Variants in SLC25A21 observed in about 807,000 individuals in gnomAD.
SLC25A21 encodes solute carrier family 25 member 21.
A neutral mutation model predicts 43.8 loss-of-function variants in SLC25A21; 47 were observed. The ratio of observed to expected loss-of-function variants is 1.07; its 90% CI spans 0.85 to 1.37. The LOEUF (loss-of-function observed/expected upper bound fraction) is 1.37. SLC25A21 is among the 40% of genes most tolerant of loss of function. The probability of loss-of-function intolerance (pLI) is 0.00; values close to 1 mark genes in which losing one functional copy is unlikely to be tolerated. For missense variants in SLC25A21, 352 were observed against 350.2 expected (o/e 1.00, Z -0.04); for synonymous variants, 131 against 121.3 (o/e 1.08, Z -0.52).
intron 1 of SLC25A21, among the ~76,000 whole-genome samples, chr14:36,965,066 T>C (rs1371209695): frequency 6.6e-6 from 1 of 152,174 alleles, no homozygotes; most frequent in Non-Finnish European, 1.5e-5. Flanking sequence ...TTTTAAAGAA[T>C]CTGGACCCAT....
At chr14:36,751,391 C>T (rs116296625) in intron 3 of SLC25A21, among the ~76,000 whole-genome samples, 220 of 152,230 alleles carry the variant, frequency 1.4e-3, no homozygotes, top group Middle Eastern at 0.01. Flanking sequence ...TGCAATGAAC[C>T]AACAAAGAAG....
At chr14:37,034,612 C>T (rs937454769) in intron 1 of SLC25A21, among the ~76,000 whole-genome samples, 1 of 152,174 alleles carries the variant, frequency 6.6e-6, no homozygotes, top group African/African-American at 2.4e-5. Context: ...TGGAGGTCAG[C>T]GTGCTGAGCA....
chr14:37,033,980 A>G (rs546906656), intron 1 of SLC25A21, among the ~76,000 whole-genome samples: 1 of 151,934 alleles, frequency 6.6e-6, no homozygotes, highest in Non-Finnish European at 1.5e-5. Flanking sequence ...AGGTTCCCAA[A>G]TGGCACTATG....
At chr14:36,894,017 A>C (rs1271882042) in intron 1 of SLC25A21, among the ~76,000 whole-genome samples, 2 of 152,168 alleles carry the variant, frequency 1.3e-5, no homozygotes, top group Non-Finnish European at 2.9e-5. Flanking sequence ...TGATTTGGCA[A>C]TGTGGACTCT....
chr14:37,050,678 A>C (rs796229920), intron 1 of SLC25A21, among the ~76,000 whole-genome samples: 22 of 152,350 alleles, frequency 1.4e-4, no homozygotes, highest in African/African-American at 5.3e-4. Context: ...CCCATTCTCC[A>C]TATCTTCCAA....
In SLC25A21 at chr14:37,040,433, A is replaced by AAGAAAGAAAGAG. The variant is rs1555343498; in HGVS notation, c.70+131847_70+131848insCTCTTTCTTTCT. 5.0e-4 allele frequency among the ~76,000 whole-genome samples: 52 copies of AAGAAAGAAAGAG among 104,234 alleles called. 1 individual carries two copies. The highest frequency in any genetic ancestry group is 7.4e-4 in the Non-Finnish European group (42 of 56,744). 68.4% of individuals were successfully genotyped at this position (104,234 alleles called of 152,430 possible). Reference sequence around the variant, plus strand: ...AAAGAAAGAAAGAAAGAAAGAAAGAAAGAAAGAAAAGAAAAATTAGTTACA... The same window carrying AAGAAAGAAAGAG: ...AAAGAAAGAAAGAAAGAAAGAAAGAAAGAAAGAAAGAGAGAAAGAAAAGAAAAATTAGTTACA... On this transcript the variant is annotated intron_variant, in intron 1 of 9. Transcript: ENST00000331299.
chr14:37,108,627 C>T (rs1962958905), intron 1 of SLC25A21, among the ~76,000 whole-genome samples: 1 of 151,854 alleles, frequency 6.6e-6, no homozygotes, highest in African/African-American at 2.4e-5. Flanking sequence ...TACATTGAGA[C>T]CTTGCTGCTA....
rs1240869654 is a variant in SLC25A21 at position 36,703,698 on chromosome 14, T to G, written c.603+7620A>C. Reference sequence around the variant, plus strand: ...CACTATTATTTTATTTATGGAAACATATGAAAAGAAGTAAATATGGAACTA... The same window carrying G: ...CACTATTATTTTATTTATGGAAACAGATGAAAAGAAGTAAATATGGAACTA... On this transcript the variant is annotated intron_variant, in intron 7 of 9. Coordinates refer to ENST00000331299, the MANE Select transcript of SLC25A21 (RefSeq NM_030631.4). 2.6e-5 allele frequency among the ~76,000 whole-genome samples: 4 copies of G among 152,192 alleles called. No individual in the cohort carries two copies. In the South Asian group the frequency reaches 6.2e-4, roughly 24 times the overall value.
rs527258257 is a variant in SLC25A21, at chr14:36,846,227, T to C, written c.119+28729A>G. Among the ~76,000 whole-genome samples the C allele has an allele frequency of 4.6e-5, 7 of 152,290 alleles. No homozygotes were observed. The East Asian group carries it at 7.7e-4, about 17-fold the overall frequency. On this transcript the variant is annotated intron_variant, in intron 2 of 9. Transcript: ENST00000331299. Reference sequence around the variant, plus strand: ...TTGAGAAAGAATCTATAATTCCTTATATGAGATAGCCTTGACTAACTCTAT... The same window carrying C: ...TTGAGAAAGAATCTATAATTCCTTACATGAGATAGCCTTGACTAACTCTAT...
At chr14:37,118,780 TCCA>T (rs1351021521) in intron 1 of SLC25A21, among the ~76,000 whole-genome samples, 1 of 152,100 alleles carries the variant, frequency 6.6e-6, no homozygotes, top group African/African-American at 2.4e-5. Context: ...TTCCTGAAAA[TCCA>T]CCATTACAAT....
chr14:36,967,579 C>G (rs1182061442), intron 1 of SLC25A21, among the ~76,000 whole-genome samples: 1 of 152,216 alleles, frequency 6.6e-6, no homozygotes. Context: ...AAGCAAGCAA[C>G]TCAGCCTTGC....
chr14:37,127,358 G>A (rs971718184), intron 1 of SLC25A21, among the ~76,000 whole-genome samples: 1 of 152,146 alleles, frequency 6.6e-6, no homozygotes, highest in African/African-American at 2.4e-5. Context: ...CTGCCTCTAC[G>A]AAAAGATGAT....
At chr14:36,819,711 G>A (rs1594616391) in intron 2 of SLC25A21, among the ~76,000 whole-genome samples, 1 of 152,090 alleles carries the variant, frequency 6.6e-6, no homozygotes, top group Non-Finnish European at 1.5e-5. Flanking sequence ...ATTCTGGGGA[G>A]TGGAGGCTTT....
chr14:36,850,530 C>T (rs965839758), intron 2 of SLC25A21, among the ~76,000 whole-genome samples: 3 of 152,086 alleles, frequency 2.0e-5, no homozygotes, highest in Admixed American at 6.6e-5. Context: ...GGCTTATGAT[C>T]CCAGAAAGTC....
intron 1 of SLC25A21, among the ~76,000 whole-genome samples, chr14:37,164,649 G>A (rs918017486): frequency 9.9e-5 from 15 of 152,058 alleles, no homozygotes; most frequent in African/African-American, 3.6e-4. Context: ...TACTATTAAG[G>A]CATCTATTTT....
intron 2 of SLC25A21, among the ~76,000 whole-genome samples, chr14:36,818,289 C>T (rs1325222297): frequency 1.3e-5 from 2 of 152,166 alleles, no homozygotes; most frequent in Admixed American, 6.5e-5. Context: ...ACTTTACCCA[C>T]AGATTTTAGA....
In SLC25A21 at chr14:36,803,385, T is replaced by C. The variant is rs530872375; in HGVS notation, c.203+10533A>G. ...TTAATTTTGATTCCTTTACAAATAG[T>C]GTCAATCTCTGGAAATTTTATTATT... On this transcript the variant is annotated intron_variant, in intron 3 of 9. Transcript: ENST00000331299. 2.0e-4 allele frequency among the ~76,000 whole-genome samples: 31 copies of C among 152,350 alleles called. No homozygotes were observed. In the South Asian group the frequency reaches 2.3e-3, roughly 11 times the overall value.
intron 2 of SLC25A21, among the ~76,000 whole-genome samples, chr14:36,847,685 T>A (rs1889589839): frequency 6.6e-6 from 1 of 151,998 alleles, no homozygotes; most frequent in Non-Finnish European, 1.5e-5. Context: ...GAGAAGGGCG[T>A]GCCATGTTTG....
intron 1 of SLC25A21, among the ~76,000 whole-genome samples, chr14:36,935,930 T>C (rs1347626554): frequency 6.6e-6 from 1 of 152,168 alleles, no homozygotes; most frequent in Non-Finnish European, 1.5e-5. Context: ...CCTGCAGGTT[T>C]AGAGTAAAAT....
Sources: gnomAD v4.1 joint callset for allele counts (sites outside exome capture counted in the v4.1 genomes callset) on GRCh38, gnomAD v4.1.1 for gene constraint, MANE v1.5 for transcripts, NCBI Gene and HGNC (gene_info 2026-07-23, HGNC 2026-07-21) for gene names.